SNRPN: variants seen among roughly 807,000 people sequenced by gnomAD.
SNRPN encodes the protein small nuclear ribonucleoprotein polypeptide N, also known as small nuclear ribonucleoprotein-associated protein N.
Under a neutral mutation model 25.2 loss-of-function variants are expected in SNRPN, and 7 were observed. The ratio of observed to expected loss-of-function variants is 0.28; its 90% CI spans 0.16 to 0.52. SNRPN has a LOEUF of 0.52. Among genes scored for constraint, SNRPN ranks in the 20% least tolerant of loss-of-function variants. The probability of loss-of-function intolerance (pLI) is 0.96; values close to 1 mark genes in which losing one functional copy is unlikely to be tolerated. For synonymous variants in SNRPN, 124 were observed against 110.6 expected, an observed-to-expected ratio of 1.12 and a Z score of -0.76; for missense variants, 196 against 322.5, an observed-to-expected ratio of 0.61 and a Z score of 3.00.
chr15:24,872,700 C>A (rs1011836125), intron 1 of SNRPN, among the ~76,000 whole-genome samples: 1 of 104,898 alleles, frequency 9.5e-6, no homozygotes, highest in Non-Finnish European at 2.0e-5. Context: ...GAGCTGAGAT[C>A]CCACCATTAC....
intron 3 of SNRPN, among the ~76,000 whole-genome samples, chr15:24,946,117 G>A (rs1238197910): frequency 6.6e-6 from 1 of 152,220 alleles, no homozygotes; most frequent in East Asian, 1.9e-4. Context: ...GCAGCAAAGA[G>A]TTGTGGTTGA....
Position 24,835,064 on chromosome 15 carries a change from A to G in SNRPN, c.-579+5159A>G, listed in dbSNP as rs1161346300. 7.4e-5 allele frequency among the ~76,000 whole-genome samples: 6 copies of G among 80,902 alleles called. 2 individuals carry two copies. The East Asian group carries it at 2.4e-3, about 32-fold the overall frequency. The allele number at this position is 80,902 out of a possible 152,430, so 53.1% of individuals were successfully genotyped here. On this transcript the variant is annotated intron_variant, in intron 2 of 12. Coordinates refer to the SNRPN transcript ENST00000400100. ...TATATCTATATATAAAAATATAGAT[A>G]TATAGTATATATATCTATATATAAA...
At chr15:24,956,077 C>G (rs1169641601) in intron 1 of SNRPN, among the ~76,000 whole-genome samples, 1 of 152,070 alleles carries the variant, frequency 6.6e-6, no homozygotes, top group Admixed American at 6.5e-5. Context: ...TGCAGAAATG[C>G]GTGGAATCCT....
chr15:24,901,494 C>T (rs1036664244), intron 2 of SNRPN, among the ~76,000 whole-genome samples: 7 of 152,110 alleles, frequency 4.6e-5, no homozygotes. Context: ...ACCACACGGA[C>T]CATGAAAAGA....
At chr15:24,928,965 CAT>C (rs2060608382) in intron 3 of SNRPN, among the ~76,000 whole-genome samples, 1 of 152,056 alleles carries the variant, frequency 6.6e-6, no homozygotes, top group Non-Finnish European at 1.5e-5. Context: ...ATTCCAAGCT[CAT>C]GTTGTATCTC....
At chr15:24,973,742 G>T (rs539880786) in intron 3 of SNRPN, among the ~76,000 whole-genome samples, 1 of 152,110 alleles carries the variant, frequency 6.6e-6, no homozygotes. Context: ...CTTGATCTAT[G>T]AAAGTTGTTT....
intron 2 of SNRPN, among the ~76,000 whole-genome samples, chr15:24,966,349 A>C (rs565781034): frequency 6.6e-6 from 1 of 152,150 alleles, no homozygotes; most frequent in Non-Finnish European, 1.5e-5. Context: ...TCCCACACAA[A>C]TCTTCCCTGT....
At chr15:24,863,703 G>A (rs1456665161) in intron 1 of SNRPN, among the ~76,000 whole-genome samples, 1 of 150,686 alleles carries the variant, frequency 6.6e-6, no homozygotes, top group African/African-American at 2.5e-5. Flanking sequence ...AATCATTCCT[G>A]AAGATTCATG....
chr15:24,831,394 A>G (rs1198467457), intron 2 of SNRPN, among the ~76,000 whole-genome samples: 5 of 151,998 alleles, frequency 3.3e-5, no homozygotes. Context: ...ATCATCTTCA[A>G]ACATGATGTT....
At chr15:24,967,760 A>G (rs966107645) in intron 2 of SNRPN, among the ~76,000 whole-genome samples, 172 bp from the exon 3 acceptor site, 1 of 150,178 alleles carries the variant, frequency 6.7e-6, no homozygotes, top group African/African-American at 2.5e-5. Flanking sequence ...GTGAGCAGAA[A>G]TTGCTTCATT....
chr15:24,908,633 A>C (rs909705103), intron 2 of SNRPN, among the ~76,000 whole-genome samples: 6 of 152,094 alleles, frequency 3.9e-5, no homozygotes, highest in African/African-American at 1.4e-4. Flanking sequence ...AAGGGAGTTT[A>C]TTTCTGCAGC....
chr15:24,894,174 C>T (rs1021302015), intron 2 of SNRPN, among the ~76,000 whole-genome samples: 1 of 152,148 alleles, frequency 6.6e-6, no homozygotes, highest in Admixed American at 6.5e-5. Context: ...ACACAAGAAC[C>T]AACAACTTGT....
chr15:24,968,348 CT>C (rs564829146), intron 3 of SNRPN: 237 of 271,886 alleles, frequency 8.7e-4, no homozygotes, highest in African/African-American at 5.2e-3. Context: ...AAATATTTCA[CT>C]ATAAATGGCT....
chr15:24,881,618 AG>A (rs66968205), intron 1 of SNRPN, among the ~76,000 whole-genome samples: 21,555 of 88,918 alleles, frequency 0.24, 2,075 homozygotes, highest in East Asian at 0.39. Flanking sequence ...AGAGAGAGAG[AG>A]AAAGTCACAG....
Position 24,931,838 on chromosome 15 carries a change from CAAAAAAAAAAAAAAAAA to C in SNRPN, c.-391+11728_-391+11744del, listed in dbSNP as rs71127026. ...TGGGTGACAGAGTGAGAACCTGTCTCAAAAAAAAAAAAAAAAAAAAAAAAAAAAAAGACTTTGCTTCA... is the reference window on the plus strand; with the variant it reads ...TGGGTGACAGAGTGAGAACCTGTCTCAAAAAAAAAAAAAGACTTTGCTTCA... On this transcript the variant is annotated intron_variant, in intron 3 of 11. Transcript: ENST00000400097. Among the ~76,000 whole-genome samples, 6 of 42,990 alleles carry C rather than the reference CAAAAAAAAAAAAAAAAA, an allele frequency of 1.4e-4. 1 individual carries two copies. Among genetic ancestry groups the C allele is most frequent in the South Asian group, 3.5e-3 (2 of 572 alleles). 28.2% of individuals were successfully genotyped at this position (42,990 alleles called of 152,430 possible). A position where few individuals can be genotyped will look rare whatever the true frequency, so the allele number is the denominator to read the frequency against.
intron 1 of SNRPN, among the ~76,000 whole-genome samples, chr15:24,857,988 A>G (rs1486359424): frequency 6.6e-6 from 1 of 152,046 alleles, no homozygotes; most frequent in East Asian, 1.9e-4. Context: ...GGTTGGGGCC[A>G]TAAGATCAGA....
intron 2 of SNRPN, among the ~76,000 whole-genome samples, chr15:24,887,176 C>G (rs1279941156): frequency 3.6e-5 from 5 of 138,586 alleles, no homozygotes; most frequent in Non-Finnish European, 7.6e-5. Context: ...GAGACGGAGT[C>G]TTGCTCTGTT....
intron 2 of SNRPN, among the ~76,000 whole-genome samples, chr15:24,918,769 TATATAAC>T (rs1247117827): frequency 2.6e-4 from 11 of 42,178 alleles, no homozygotes; most frequent in East Asian, 2.2e-3. Flanking sequence ...TGTGCATATA[TATATAAC>T]ATAATATATA....
intron 1 of SNRPN, among the ~76,000 whole-genome samples, chr15:24,886,072 C>G (rs1054460768): frequency 1.3e-5 from 2 of 152,090 alleles, no homozygotes; most frequent in Non-Finnish European, 2.9e-5. Flanking sequence ...GGCTCCGGAA[C>G]GTTCTCTTAA....
Sources: gnomAD v4.1 joint callset for allele counts (sites outside exome capture counted in the v4.1 genomes callset) on GRCh38, gnomAD v4.1.1 for gene constraint, MANE v1.5 for transcripts, NCBI Gene and HGNC (gene_info 2026-07-23, HGNC 2026-07-21) for gene names.